NAA35: variants seen among roughly 807,000 people sequenced by gnomAD.
The protein encoded by NAA35 is N-alpha-acetyltransferase 35, NatC auxiliary subunit.
NAA35 carries 18 observed loss-of-function variants against 101.7 expected under a neutral mutation model. The ratio of observed to expected loss-of-function variants is 0.18; its 90% confidence interval spans 0.12 to 0.26. The LOEUF is 0.26. Ranked by LOEUF, NAA35 falls within the 10% of genes least tolerant of loss-of-function variation. NAA35 has a pLI of 1.00. For missense variants in NAA35, 601 were observed against 886.8 expected, an observed-to-expected ratio of 0.68 and a Z score of 4.09; for synonymous variants, 267 against 273.1, an observed-to-expected ratio of 0.98 and a Z score of 0.22.
In NAA35 at chr9:86,020,894, T is replaced by C; in HGVS notation, c.2043T>C (p.Asn681=). ...ENIPNPDHEV[N]RILKVAKPNF... ...GTTTTATGTTCATGTTTCAGGTTAA[T>C]AGAATTTTAAAGGTTGCCAAACCCA... Residue 681 remains asparagine, a synonymous_variant, in exon 22 of 23, where the codon AAT becomes AAC. Coordinates refer to ENST00000361671, the MANE Select transcript of NAA35 (RefSeq NM_024635.4). The C allele has an allele frequency of 6.2e-7, 1 of 1,609,992 alleles. No individual in the cohort carries two copies. The highest frequency in any genetic ancestry group is 8.5e-7 in the Non-Finnish European group (1 of 1,177,466).
intron 11 of NAA35, among the ~76,000 whole-genome samples, chr9:85,987,470 A>G (rs1311701471): frequency 3.3e-5 from 5 of 152,224 alleles, no homozygotes; most frequent in Non-Finnish European, 1.5e-5. Context: ...TCATTTTAAA[A>G]TCACAAGCCG....
chr9:85,966,599 T>G, intron 6 of NAA35: 1 of 1,251,996 alleles, frequency 8.0e-7, no homozygotes, highest in African/African-American at 1.5e-5. Context: ...ATCTCAGATT[T>G]CGCGGCTCCT....
chr9:85,999,722 G>A (rs551308011), intron 12 of NAA35, among the ~76,000 whole-genome samples: 74 of 152,300 alleles, frequency 4.9e-4, no homozygotes, highest in African/African-American at 1.4e-3. Flanking sequence ...ATAGATGCCC[G>A]AATAGGCATT....
intron 2 of NAA35, among the ~76,000 whole-genome samples, chr9:85,955,830 C>T (rs4877954): frequency 0.33 from 50,676 of 151,934 alleles, 11,635 homozygotes; most frequent in African/African-American, 0.66. Context: ...CTCAGTTGAC[C>T]CTAATATGCA....
chr9:85,948,658 G>A (rs1332077620), intron 2 of NAA35, among the ~76,000 whole-genome samples: 4 of 152,158 alleles, frequency 2.6e-5, no homozygotes, highest in African/African-American at 4.8e-5. Flanking sequence ...ATGTCTGGGT[G>A]CCTTTGAGAA....
intron 12 of NAA35, among the ~76,000 whole-genome samples, chr9:86,000,461 G>A (rs1284932133): frequency 6.6e-6 from 1 of 152,054 alleles, no homozygotes; most frequent in Admixed American, 6.6e-5. Context: ...AATAGTTTCT[G>A]TAGGAATGGT....
intron 11 of NAA35, among the ~76,000 whole-genome samples, chr9:85,980,959 C>G (rs1830413454): frequency 6.6e-6 from 1 of 152,266 alleles, no homozygotes. Context: ...ACACCTCATT[C>G]CTTTTCCACA....
chr9:86,014,458 A>C, intron 17 of NAA35: 1 of 522,992 alleles, frequency 1.9e-6, no homozygotes, highest in East Asian at 1.5e-4. Flanking sequence ...TATTTTAGGC[A>C]TGTAAAAGCT....
chr9:85,955,331 T>C (rs1240686257), intron 2 of NAA35, among the ~76,000 whole-genome samples: 2 of 79,354 alleles, frequency 2.5e-5, no homozygotes, highest in African/African-American at 1.1e-4. Context: ...TATATACATA[T>C]ATATATATAT....
chr9:85,983,280 A>C (rs1391483586), intron 11 of NAA35, among the ~76,000 whole-genome samples: 1 of 152,212 alleles, frequency 6.6e-6, no homozygotes, highest in Non-Finnish European at 1.5e-5. Flanking sequence ...CGGCCTTCAG[A>C]ACAGTGTAGC....
chr9:85,971,864 T>TA (rs1690460478), intron 6 of NAA35, among the ~76,000 whole-genome samples: 1 of 151,888 alleles, frequency 6.6e-6, no homozygotes, highest in South Asian at 2.1e-4. Context: ...ACCAACTTCT[T>TA]ACTCTCCCCA....
intron 17 of NAA35, among the ~76,000 whole-genome samples, chr9:86,016,317 G>A (rs1832221121): frequency 6.6e-6 from 1 of 152,120 alleles, no homozygotes; most frequent in Non-Finnish European, 1.5e-5. Context: ...ATTTGCATAT[G>A]TACATGTATA....
chr9:86,019,364 G>A (rs745876996), intron 21 of NAA35, among the ~76,000 whole-genome samples: 2 of 152,216 alleles, frequency 1.3e-5, no homozygotes, highest in South Asian at 2.1e-4. Flanking sequence ...GGGAGGCTGA[G>A]GCAGGAGAAT....
intron 2 of NAA35, among the ~76,000 whole-genome samples, chr9:85,953,549 C>A (rs945853374): frequency 6.6e-6 from 1 of 152,150 alleles, no homozygotes; most frequent in African/African-American, 2.4e-5. Flanking sequence ...CCTCAGCCTT[C>A]CAAGTAGCTG....
At position 86,018,330 on chromosome 9, in the gene NAA35, G is replaced by A; in HGVS notation, c.1849G>A (p.Glu617Lys). 1.2e-6 allele frequency: 2 copies of A among 1,614,060 alleles called. No individual in the cohort carries two copies. Among genetic ancestry groups the A allele is most frequent in the Non-Finnish European group, 1.7e-6 (2 of 1,179,970 alleles). ...GCTTGATAGTGAACAAGTTCGGTAT[G>A]AACACAGGTTTGCTCCATTCAACAG... ...FELDSEQVRY[E>K]HRFAPFNSVM... The change falls in exon 20 of 23, where the codon GAA becomes AAA. Residue 617 changes from glutamate to lysine, a missense_variant. Glu to Lys is a moderately conservative substitution (Grantham distance 56). Transcript: ENST00000361671.
intron 6 of NAA35, among the ~76,000 whole-genome samples, chr9:85,971,801 A>G (rs560625588): frequency 1.1e-4 from 16 of 151,916 alleles, no homozygotes; most frequent in Non-Finnish European, 2.1e-4. Context: ...GTTCATCAGC[A>G]TATCATGTTA....
chr9:85,984,583 G>A lies in NAA35; in HGVS notation c.877+6202G>A, dbSNP rs563798555. Among the ~76,000 whole-genome samples, 41 of 152,290 alleles carry A rather than the reference G, an allele frequency of 2.7e-4. No individual in the cohort carries two copies. In the South Asian group the frequency reaches 7.3e-3, roughly 27 times the overall value. On this transcript the variant is annotated intron_variant, in intron 11 of 22. Coordinates refer to ENST00000361671, the MANE Select transcript of NAA35 (RefSeq NM_024635.4). Reference sequence around the variant, plus strand: ...ACATGTGCAGCAGTAGTGGAAATTAGAAGTCAATGAAGTGAAAACCAAGAT... The same window carrying A: ...ACATGTGCAGCAGTAGTGGAAATTAAAAGTCAATGAAGTGAAAACCAAGAT...
chr9:85,959,367 ACT>A (rs960701304), intron 4 of NAA35, among the ~76,000 whole-genome samples: 28 of 141,798 alleles, frequency 2.0e-4, no homozygotes, highest in Non-Finnish European at 3.6e-4. Flanking sequence ...ACAGAGTGAG[ACT>A]CTGTCTCAAA....
Position 85,974,644 on chromosome 9 carries a change from TG to T in NAA35, c.517-322del, listed in dbSNP as rs373649889. Among the ~76,000 whole-genome samples, 476 of 152,346 alleles carry T rather than the reference TG, an allele frequency of 3.1e-3. 1 individual carries two copies. The highest frequency in any genetic ancestry group is 0.011 in the African/African-American group (462 of 41,584). ...CATATTTACTGTTCACCTGTGAATG[TG>T]AGACTACTTTGTGAGAATTATTACT... is the stretch of plus-strand genomic sequence containing the variant. On this transcript the variant is annotated intron_variant, in intron 6 of 22. Coordinates refer to ENST00000361671, the MANE Select transcript of NAA35 (RefSeq NM_024635.4).
Sources: allele counts gnomAD v4.1 joint callset (sites outside exome capture counted in the v4.1 genomes callset), GRCh38; gene constraint gnomAD v4.1.1; transcripts MANE v1.5; gene names NCBI Gene and HGNC (gene_info 2026-07-23, HGNC 2026-07-21).